The following COL6A6 variants were observed in gnomAD, a reference collection of about 807,000 sequenced individuals.
COL6A6 encodes the protein collagen type VI alpha 6 chain.
In COL6A6, 183 loss-of-function variants were observed where a neutral mutation model predicts 208.6. That is an observed-to-expected ratio of 0.88 (90% CI 0.78 to 0.99). The LOEUF (loss-of-function observed/expected upper bound fraction) is 0.99. Among genes scored for constraint, COL6A6 ranks in the 50% least tolerant of loss-of-function variants. COL6A6 has a pLI of 0.00. For synonymous variants in COL6A6, 973 were observed against 1,011.8 expected (o/e 0.96, Z 0.73); for missense variants, 2,816 against 2,815.2 (o/e 1.00, Z -0.01).
chr3:130,622,532 T>C (rs2064757901), intron 24 of COL6A6, among the ~76,000 whole-genome samples: 1 of 152,094 alleles, frequency 6.6e-6, no homozygotes, highest in African/African-American at 2.4e-5. Flanking sequence ...ATTAGAAGTA[T>C]TTCTGGGATG....
intron 33 of COL6A6, among the ~76,000 whole-genome samples, chr3:130,656,543 G>A (rs2065793312): frequency 1.3e-5 from 2 of 152,166 alleles, no homozygotes; most frequent in Admixed American, 1.3e-4. Context: ...TTGATTAATG[G>A]GAGGCCACTG....
intron 1 of COL6A6, among the ~76,000 whole-genome samples, chr3:130,552,664 G>A (rs1200054335): frequency 1.3e-5 from 2 of 152,174 alleles, no homozygotes; most frequent in Non-Finnish European, 2.9e-5. Flanking sequence ...GTATTCATAT[G>A]TGCGAATTTC....
At chr3:130,598,766 C>T (rs1346340544) in intron 19 of COL6A6, among the ~76,000 whole-genome samples, 2 of 152,142 alleles carry the variant, frequency 1.3e-5, no homozygotes, top group African/African-American at 2.4e-5. Context: ...TTGGCCTTTC[C>T]AGTATCTGGA....
chr3:130,560,520 C>A, intron 2 of COL6A6, 92 bp downstream of exon 2: 1 of 1,152,320 alleles, frequency 8.7e-7, no homozygotes, highest in Non-Finnish European at 1.2e-6. Context: ...AGTTTTGTAT[C>A]ACTTTGTTTT....
chr3:130,661,764 C>T lies in COL6A6; in HGVS notation c.5958C>T (p.Ala1986=), dbSNP rs1559799270. The change falls in exon 35 of 37, where the codon GCC becomes GCT. Residue 1986 remains alanine (A), a synonymous_variant. Transcript: ENST00000358511. ...MGSAEFEDIR[A]FLGALLDHFE... Reference sequence around the variant, plus strand: ...GTGCTGAATTTGAAGACATAAGAGCCTTCCTTGGAGCACTATTAGATCACT... The same window carrying T: ...GTGCTGAATTTGAAGACATAAGAGCTTTCCTTGGAGCACTATTAGATCACT... 2 of 1,613,924 alleles carry T rather than the reference C, an allele frequency of 1.2e-6. No individual in the cohort carries two copies. The highest frequency in any genetic ancestry group is 4.5e-5 in the East Asian group (2 of 44,870).
intron 1 of COL6A6, among the ~76,000 whole-genome samples, chr3:130,535,109 G>A (rs2062192361): frequency 9.4e-6 from 1 of 106,856 alleles, no homozygotes; most frequent in Non-Finnish European, 2.3e-5. Flanking sequence ...CTCAGACATT[G>A]CCTCTCATTC....
chr3:130,669,003 T>C (rs886802312), intron 36 of COL6A6, among the ~76,000 whole-genome samples: 2 of 152,250 alleles, frequency 1.3e-5, no homozygotes, highest in African/African-American at 4.8e-5. Flanking sequence ...GTGTTCCTTG[T>C]GCAACTTCTA....
rs77876936 is a variant in COL6A6, at chr3:130,641,179, G to A, written c.5092-473G>A. Among the ~76,000 whole-genome samples the A allele has an allele frequency of 2.3e-4, 35 of 150,122 alleles. No individual in the cohort carries two copies. In the East Asian group the frequency reaches 6.2e-3, roughly 27 times the overall value. ...GGGGTCCTATTACCTGTTGCCTATTGCAGCAACAAACAGTAAGGGACTAAC... is the reference window on the plus strand; with the variant it reads ...GGGGTCCTATTACCTGTTGCCTATTACAGCAACAAACAGTAAGGGACTAAC... On this transcript the variant is annotated intron_variant, in intron 28 of 36. Coordinates refer to ENST00000358511, the MANE Select transcript of COL6A6 (RefSeq NM_001102608.3).
intron 4 of COL6A6, among the ~76,000 whole-genome samples, chr3:130,566,115 C>T (rs1396080327): frequency 1.3e-5 from 2 of 151,362 alleles, no homozygotes; most frequent in African/African-American, 4.9e-5. Context: ...GGGACAGAGA[C>T]AGAGGGTGAT....
At chr3:130,655,508 CA>C (rs1050901897) in intron 33 of COL6A6, among the ~76,000 whole-genome samples, 1 of 152,138 alleles carries the variant, frequency 6.6e-6, no homozygotes, top group African/African-American at 2.4e-5. Context: ...GAGCTCAAAA[CA>C]CAAGTTCATG....
rs747318990 is a variant in COL6A6 at position 130,574,325 on chromosome 3, A to G, written c.3347A>G (p.Asp1116Gly). 2.5e-6 allele frequency: 4 copies of G among 1,613,870 alleles called. No homozygotes were observed. The African/African-American group carries it at 4.0e-5, about 16-fold the overall frequency. ...GTCCTTACAGATGGCCAGTCCCAAG[A>G]CGAGGTGGCCCAGGCCGCGGAAGCC... Reference protein sequence around the residue: ...LLVLTDGQSQDEVAQAAEALR... With the variant: ...LLVLTDGQSQGEVAQAAEALR... Residue 1116 changes from aspartate (D) to glycine (G), a missense_variant, in exon 8 of 37, where the codon GAC becomes GGC. Physicochemically the swap from Asp to Gly is moderately conservative, Grantham distance 94 (BLOSUM62 -1). Coordinates refer to ENST00000358511, the MANE Select transcript of COL6A6 (RefSeq NM_001102608.3).
chr3:130,596,120 G>A (rs538581495), intron 18 of COL6A6, among the ~76,000 whole-genome samples: 3 of 151,758 alleles, frequency 2.0e-5, no homozygotes, highest in East Asian at 1.9e-4. Context: ...TTAGGCAACT[G>A]TATTTAAAAA....
rs761428456 is a variant in COL6A6 at position 130,568,233 on chromosome 3, A to G, written c.2030A>G (p.Asn677Ser). Residue 677 changes from asparagine (N) to serine (S), a missense_variant, in exon 6 of 37, where the codon AAC becomes AGC. By Grantham distance (46) the Asn-to-Ser change is conservative. Transcript: ENST00000358511. ...SDINKEEFQLNRFMSQSDISN... is the reference protein window; with the variant it reads ...SDINKEEFQLSRFMSQSDISN... The stretch of plus-strand genomic sequence containing the variant: ...ATCAATAAGGAAGAGTTTCAGCTCA[A>G]CAGATTCATGTCCCAAAGCGACATT... 2.5e-6 allele frequency: 4 copies of G among 1,614,042 alleles called. No homozygotes were observed. Among genetic ancestry groups the G allele is most frequent in the Non-Finnish European group, 3.4e-6 (4 of 1,179,896 alleles).
chr3:130,563,265 A>C lies in COL6A6; in HGVS notation c.262A>C (p.Ser88Arg), dbSNP rs748600990. 2.5e-6 allele frequency: 4 copies of C among 1,613,912 alleles called. No homozygotes were observed. The African/African-American group carries it at 5.3e-5, about 22-fold the overall frequency. Reference protein sequence around the residue: ...EFHLSTFKGRSPMLNHLRKNF... With the variant: ...EFHLSTFKGRRPMLNHLRKNF... ...CCACCTGAGCACCTTCAAAGGCAGG[A>C]GCCCCATGCTGAACCACCTAAGGAA... Residue 88 changes from serine (S) to arginine (R), a missense_variant, in exon 3 of 37, where the codon AGC becomes CGC. Transcript: ENST00000358511.
intron 26 of COL6A6, among the ~76,000 whole-genome samples, chr3:130,634,222 T>A (rs181860384): frequency 0.093 from 1,728 of 18,482 alleles, 208 homozygotes; most frequent in African/African-American, 0.32. Flanking sequence ...AATAAATAAA[T>A]AAATAAATAA....
intron 36 of COL6A6, among the ~76,000 whole-genome samples, chr3:130,673,220 A>AACC (rs1553724904): frequency 6.2e-5 from 8 of 129,624 alleles, no homozygotes; most frequent in African/African-American, 2.3e-4. Flanking sequence ...AAAAAAACAA[A>AACC]AAAAAAAAAC....
At chr3:130,604,966 A>C (rs966054999) in intron 20 of COL6A6, among the ~76,000 whole-genome samples, 1 of 151,954 alleles carries the variant, frequency 6.6e-6, no homozygotes, top group Non-Finnish European at 1.5e-5. Context: ...AGCTCCAAAA[A>C]CCCTAGTGGC....
intron 36 of COL6A6, among the ~76,000 whole-genome samples, chr3:130,673,070 T>TCACGA (rs943307726): frequency 4.5e-5 from 6 of 132,950 alleles, no homozygotes; most frequent in Admixed American, 7.9e-5. Context: ...TCCCAGCTAC[T>TCACGA]CACGAGGCTG....
At chr3:130,544,457 T>A (rs969631077) in intron 1 of COL6A6, among the ~76,000 whole-genome samples, 2 of 152,262 alleles carry the variant, frequency 1.3e-5, no homozygotes, top group African/African-American at 2.4e-5. Context: ...CGTTTTCGTA[T>A]GTTGGCTATT....
Sources: gnomAD v4.1 joint callset for allele counts (sites outside exome capture counted in the v4.1 genomes callset) on GRCh38, gnomAD v4.1.1 for gene constraint, MANE v1.5 for transcripts, NCBI Gene and HGNC (gene_info 2026-07-23, HGNC 2026-07-21) for gene names.